The following TRPM5 variants were observed in gnomAD, a reference collection of about 807,000 sequenced individuals.
The protein encoded by TRPM5 is transient receptor potential cation channel subfamily M member 5, also known as MLSN1 and TRP-related.
TRPM5 carries 121 observed loss-of-function variants against 124.9 expected under a neutral mutation model. The observed-to-expected ratio is 0.97, with a 90% CI of 0.84 to 1.13. The LOEUF (loss-of-function observed/expected upper bound fraction) is 1.13. TRPM5 is among the 50% of genes most tolerant of loss of function. TRPM5 has a pLI of 0.00. For synonymous variants in TRPM5, 781 were observed against 700.5 expected, an observed-to-expected ratio of 1.11 and a Z score of -1.81; for missense variants, 1,643 against 1,589.1, an observed-to-expected ratio of 1.03 and a Z score of -0.58.
chr11:2,430,146 C>G, the TRPM5 span, among the ~76,000 whole-genome samples: 1 of 152,168 alleles, frequency 6.6e-6, no homozygotes, highest in East Asian at 1.9e-4. Flanking sequence ...CCCTATTACC[C>G]TGACAATAAA....
exon 2 of TRPM5, chr11:2,422,261 A>G (rs760132971): frequency 6.2e-7 from 1 of 1,612,354 alleles, no homozygotes; most frequent in Non-Finnish European, 8.5e-7. Flanking sequence ...GGCAGGTGCC[A>G]CTCAGCAAGC....
chr11:2,422,069 G>A, intron 2 of TRPM5, 72 bp downstream of exon 7: 1 of 1,485,858 alleles, frequency 6.7e-7, no homozygotes, highest in Non-Finnish European at 9.0e-7. Context: ...CCTGTGCCGG[G>A]TTGCGGGGAC....
intron 7 of TRPM5, 104 bp from the exon 13 acceptor site, chr11:2,416,128 G>C (rs370345857): frequency 6.5e-6 from 5 of 764,378 alleles, no homozygotes. Context: ...GCGGAAACGG[G>C]AACTTCACGC....
At position 2,414,243 on chromosome 11, in the gene TRPM5, C is replaced by T. The variant is rs373446414; in HGVS notation, c.1745-37G>A. ...GGCCCTGGCCGCTAGGACGAGACGCCGATGCCCGGCCCGGCCCCCGACGCC... is the reference window on the plus strand; with the variant it reads ...GGCCCTGGCCGCTAGGACGAGACGCTGATGCCCGGCCCGGCCCCCGACGCC... On this transcript the variant is annotated intron_variant, in intron 11 of 23. Coordinates refer to ENST00000155858, the Ensembl canonical transcript of TRPM5. 4.9e-4 allele frequency: 774 copies of T among 1,587,692 alleles called. 3 individuals are homozygous for T. The African/African-American group carries it at 8.2e-3, about 17-fold the overall frequency.
exon 24 of TRPM5, chr11:2,404,621 C>A: frequency 2.9e-6 from 1 of 345,926 alleles, no homozygotes; most frequent in Non-Finnish European, 5.3e-6. Context: ...CCCCGTCACG[C>A]CACAGGGCCA....
rs1448225128 is a variant in TRPM5 at position 2,421,166 on chromosome 11, C to T, written c.331G>A (p.Gly111Ser). Residue 111 changes from glycine to serine, a missense_variant, in exon 3 of 24, where the codon GGC becomes AGC. Gly to Ser is a moderately conservative substitution (Grantham distance 56). Coordinates refer to ENST00000155858, the Ensembl canonical transcript of TRPM5. ...GCCTGCCCGACATGCCTGGCCAGGCCCACGCGGAGGGCACTGGTCAGGATC... is the reference window on the plus strand; with the variant it reads ...GCCTGCCCGACATGCCTGGCCAGGCTCACGCGGAGGGCACTGGTCAGGATC... 2 of 1,541,410 alleles carry T rather than the reference C, an allele frequency of 1.3e-6. No homozygotes were observed. The highest frequency in any genetic ancestry group is 1.7e-6 in the Non-Finnish European group (2 of 1,145,464).
the TRPM5 span, among the ~76,000 whole-genome samples, chr11:2,433,475 T>C: frequency 6.6e-6 from 1 of 152,266 alleles, no homozygotes; most frequent in Non-Finnish European, 1.5e-5. Flanking sequence ...GGGGGCTCCA[T>C]GCACTGTCCA....
chr11:2,406,777 G>A (rs750761760), exon 21 of TRPM5: 2 of 1,611,742 alleles, frequency 1.2e-6, no homozygotes, highest in Non-Finnish European at 1.7e-6. Flanking sequence ...GGTCCAGGGG[G>A]TCTGGCAGGT....
At chr11:2,420,507 G>A in intron 3 of TRPM5, 102 bp from the exon 9 acceptor site, 1 of 1,250,796 alleles carries the variant, frequency 8.0e-7, no homozygotes. Context: ...ACGCCATGGG[G>A]CCCCGCACAA....
chr11:2,406,613 C>T (rs1040541178), intron 21 of TRPM5, 48 bp downstream of exon 26: 2 of 1,552,596 alleles, frequency 1.3e-6, no homozygotes, highest in Middle Eastern at 1.7e-4. Flanking sequence ...CACATCCCCG[C>T]TTAAAGACAG....
At chr11:2,410,501 C>T (rs1266145002) in intron 18 of TRPM5, among the ~76,000 whole-genome samples, 1 of 152,120 alleles carries the variant, frequency 6.6e-6, no homozygotes, top group Non-Finnish European at 1.5e-5. Context: ...GGCGGGCTGG[C>T]TGCTGGTCCA....
Position 2,406,051 on chromosome 11 carries a change from GCT to G in TRPM5, c.3290_3291del (p.Glu1097AlafsTer24). ...TCCAGACACTTGATGCGCTTTTCTTGCTCTCTCAGACCCCCGAGGTACTTGGC... is the reference window on the plus strand; with the variant it reads ...TCCAGACACTTGATGCGCTTTTCTTGCTCTCAGACCCCCGAGGTACTTGGC... On this transcript the variant is annotated frameshift_variant, in exon 22 of 24. Coordinates refer to ENST00000155858, the Ensembl canonical transcript of TRPM5. LOFTEE classifies it high-confidence loss of function. 6.2e-7 allele frequency: 1 copy of G among 1,612,336 alleles called. No homozygotes were observed. The highest frequency in any genetic ancestry group is 1.1e-5 in the South Asian group (1 of 91,088).
At chr11:2,438,063 A>T in the TRPM5 span, among the ~76,000 whole-genome samples, 1 of 152,220 alleles carries the variant, frequency 6.6e-6, no homozygotes, top group African/African-American at 2.4e-5. The surrounding 1 kb of genome is among the most constrained non-coding windows in gnomAD (Gnocchi z 5.9). Flanking sequence ...GTGGTTTGTC[A>T]CATAAACAGA....
intron 18 of TRPM5, chr11:2,410,637 C>T (rs113800370): frequency 8.9e-6 from 4 of 451,554 alleles, no homozygotes; most frequent in Admixed American, 2.4e-5. Context: ...ACAGAGGCCC[C>T]CATGGCCAAG....
At chr11:2,407,369 A>C in intron 19 of TRPM5, 69 bp from the exon 25 acceptor site, 1 of 1,440,708 alleles carries the variant, frequency 6.9e-7, no homozygotes, top group African/African-American at 1.4e-5. Flanking sequence ...ATCCCCCTGC[A>C]CCCTGATTGC....
chr11:2,422,084 A>C, intron 2 of TRPM5, 57 bp downstream of exon 7: 1 of 1,477,268 alleles, frequency 6.8e-7, no homozygotes, highest in South Asian at 1.3e-5. Flanking sequence ...GGGGACAGTC[A>C]GGGGGTCGGG....
rs751987331 is a variant in TRPM5 at position 2,411,312 on chromosome 11, A to G, written c.2782+40T>C. On this transcript the variant is annotated intron_variant, in intron 18 of 23. Coordinates refer to ENST00000155858, the Ensembl canonical transcript of TRPM5. ...CCAGGGCTTGTGCACACAGGGCTCC[A>G]ATTTCTCCCTGCCCCTGCCCCCGCT... 6.6e-6 allele frequency: 10 copies of G among 1,509,686 alleles called. No homozygotes were observed. The East Asian group carries it at 2.4e-4, about 37-fold the overall frequency. 93.5% of individuals were successfully genotyped at this position (1,509,686 alleles called of 1,614,324 possible). A position where few individuals can be genotyped will look rare whatever the true frequency, so the allele number is the denominator to read the frequency against.
rs1228475669 is a variant in TRPM5 at position 2,418,510 on chromosome 11, C to A, written c.714+17G>T. The A allele has an allele frequency of 1.2e-6, 2 of 1,607,074 alleles. No homozygotes were observed. Among genetic ancestry groups the A allele is most frequent in the East Asian group, 2.2e-5 (1 of 44,570 alleles). On this transcript the variant is annotated intron_variant, in intron 5 of 23. Transcript: ENST00000155858. ...ACAAGGCTTCGGCCAGCCAGGGGGC[C>A]TCAGCCAGGCCCCTACCTCCAAGGT...
chr11:2,411,134 G>A (rs908699485), intron 18 of TRPM5, among the ~76,000 whole-genome samples: 1 of 152,104 alleles, frequency 6.6e-6, no homozygotes, highest in Non-Finnish European at 1.5e-5. Context: ...CCCAGGTCGG[G>A]GCTCCGTGAC....
Sources: gnomAD v4.1 joint callset for allele counts (sites outside exome capture counted in the v4.1 genomes callset) on GRCh38, gnomAD v4.1.1 for gene constraint, Gnocchi (gnomAD v3.1) non-coding constraint, MANE v1.5 for transcripts, NCBI Gene and HGNC (gene_info 2026-07-23, HGNC 2026-07-21) for gene names.